Variants in SLC17A7 observed in about 807,000 individuals in gnomAD.
SLC17A7 encodes the protein solute carrier family 17 member 7.
In SLC17A7, 15 loss-of-function variants were observed where a neutral mutation model predicts 59.1. That is an observed-to-expected ratio of 0.25 (90% CI 0.17 to 0.39). The LOEUF is 0.39. Ranked by LOEUF, SLC17A7 falls within the 10% of genes least tolerant of loss-of-function variation. The pLI, the probability that SLC17A7 is intolerant of heterozygous loss-of-function variation, is 1.00. For missense variants in SLC17A7, 499 were observed against 765.1 expected (o/e 0.65, Z 4.10); for synonymous variants, 353 against 308.9 (o/e 1.14, Z -1.50).
In SLC17A7 at chr19:49,434,756, G is replaced by C; in HGVS notation, c.549+12C>G. ...CCGAGCGAGGGCAGGGTCATATCAG[G>C]CGGGGATTTACCTCTACCAACCCCT... On this transcript the variant is annotated intron_variant, in intron 4 of 11. Transcript: ENST00000221485. 1 of 1,614,084 alleles carries C rather than the reference G, an allele frequency of 6.2e-7. No individual in the cohort carries two copies. The highest frequency in any genetic ancestry group is 8.5e-7 in the Non-Finnish European group (1 of 1,179,940).
Position 49,430,809 on chromosome 19 carries a change from G to T in SLC17A7, c.1393C>A (p.Arg465=), listed in dbSNP as rs2122291027. Residue 465 remains arginine, a synonymous_variant, in exon 12 of 12, where the codon CGG becomes AGG. Transcript: ENST00000221485. ...IVGAMTKHKT[R]EEWQYVFLIA... is the part of the protein sequence containing the mutation. ...AGGAACACGTACTGCCACTCCTCCC[G>T]AGTCTGCAGGGGACAATAGGGCTGA... is the stretch of plus-strand genomic sequence containing the variant. 2 of 1,607,682 alleles carry T rather than the reference G, an allele frequency of 1.2e-6. No individual in the cohort carries two copies. Among genetic ancestry groups the T allele is most frequent in the Non-Finnish European group, 1.7e-6 (2 of 1,176,214 alleles).
At chr19:49,430,880 C>T in intron 11 of SLC17A7, 68 bp from the exon 12 acceptor site, 1 of 1,559,372 alleles carries the variant, frequency 6.4e-7, no homozygotes, top group Non-Finnish European at 8.7e-7. Context: ...GAGGGGGAGG[C>T]CTAGAGGAAG....
At chr19:49,434,463 A>C in intron 5 of SLC17A7, 139 bp downstream of exon 5, 1 of 746,152 alleles carries the variant, frequency 1.3e-6, no homozygotes. Context: ...CAGACCTGGG[A>C]GTCCAGGTCC....
chr19:49,440,918 A>G (rs1023094183), intron 1 of SLC17A7, among the ~76,000 whole-genome samples: 3 of 152,172 alleles, frequency 2.0e-5, no homozygotes, highest in African/African-American at 7.2e-5. Flanking sequence ...AAGCGGAGGC[A>G]GAGATCTAGG....
At chr19:49,440,553 G>T (rs2078996363) in intron 1 of SLC17A7, among the ~76,000 whole-genome samples, 1 of 152,172 alleles carries the variant, frequency 6.6e-6, no homozygotes, top group Non-Finnish European at 1.5e-5. Flanking sequence ...TACCCCAGGA[G>T]CCGAAATTTT....
rs778279990 is a variant in SLC17A7 at position 49,436,612 on chromosome 19, G to T, written c.252C>A (p.Gly84=). The T allele has an allele frequency of 6.2e-7, 1 of 1,614,000 alleles. No homozygotes were observed. The highest frequency in any genetic ancestry group is 8.5e-7 in the Non-Finnish European group (1 of 1,179,984). Residue 84 remains glycine (G), a synonymous_variant, in exon 2 of 12, where the codon GGC becomes GGA. Transcript: ENST00000221485. This position sits in a 1 kb window ranked among gnomAD's most constrained non-coding sequence, Gnocchi z 4.1. ...TATTGACCATGGAGACGATGGCCAC[G>T]CCCAGGTTGCAGCGGATGCCAAAGC... is the stretch of plus-strand genomic sequence containing the variant. The part of the protein sequence containing the change: ...CISFGIRCNL[G]VAIVSMVNNS...
Position 49,431,094 on chromosome 19 carries a change from AG to A in SLC17A7, c.1309del (p.Leu437SerfsTer23), listed in dbSNP as rs1290610178. The A allele has an allele frequency of 6.2e-7, 1 of 1,613,990 alleles. No homozygotes were observed. Among genetic ancestry groups the A allele is most frequent in the Non-Finnish European group, 8.5e-7 (1 of 1,180,014 alleles). ...GCCCACGCCGTTGGAGATGCCCATGAGGATGCTGGCGTAGCGCGGGGCTATG... is the reference window on the plus strand; with the variant it reads ...GCCCACGCCGTTGGAGATGCCCATGAGATGCTGGCGTAGCGCGGGGCTATG... ...LDIAPRYASILMGISNGVGTL... is the reference protein window; with the variant it reads ...LDIAPRYASIXMGISNGVGTL... On this transcript the variant is annotated frameshift_variant, in exon 11 of 12. Coordinates refer to ENST00000221485, the MANE Select transcript of SLC17A7 (RefSeq NM_020309.4). LOFTEE classifies it high-confidence loss of function. The surrounding 1 kb of genome is among the most constrained non-coding windows in gnomAD (Gnocchi z 4.6).
Position 49,433,831 on chromosome 19 carries a change from G to A in SLC17A7, c.762C>T (p.Leu254=), listed in dbSNP as rs757988017. 7.4e-6 allele frequency: 12 copies of A among 1,613,120 alleles called. No individual in the cohort carries two copies. The highest frequency in any genetic ancestry group is 2.2e-5 in the South Asian group (2 of 91,010). The change falls in exon 7 of 12, where the codon CTC becomes CTT. Residue 254 remains leucine, a synonymous_variant. Transcript: ENST00000221485. This position sits in a 1 kb window ranked among gnomAD's most constrained non-coding sequence, Gnocchi z 5.7. ...FGIFWYLFWL[L]VSYESPALHP... ...GCAGCGCGGGGGACTCGTAGGAGAC[G>A]AGCAGCCAGAACAGGTACCAGAAGA... is the stretch of plus-strand genomic sequence containing the variant.
At position 49,432,054 on chromosome 19, in the gene SLC17A7, C is replaced by G. The variant is rs763824795; in HGVS notation, c.1150+465G>C. ...CTCACTGCGGCCTCGCAGTTCTGGG[C>G]TCCAGCGATCCTCCCTTCTCAGCCT... On this transcript the variant is annotated intron_variant, in intron 9 of 11. Transcript: ENST00000221485. Among the ~76,000 whole-genome samples the G allele has an allele frequency of 4.9e-4, 74 of 152,320 alleles. 1 individual carries two copies. Among genetic ancestry groups the G allele is most frequent in the Admixed American group, 1.0e-3 (16 of 15,306 alleles).
Position 49,430,500 on chromosome 19 carries a change from T to C in SLC17A7, c.*19A>G. On this transcript the variant is annotated 3_prime_UTR_variant, in exon 12 of 12. Transcript: ENST00000221485. Reference sequence around the variant, plus strand: ...GGAATGGAGGTCCTGGAAACTGCCATTCAGTGGGAGGCACATGGTCAGTAG... The same window carrying C: ...GGAATGGAGGTCCTGGAAACTGCCACTCAGTGGGAGGCACATGGTCAGTAG... 1 of 1,537,354 alleles carries C rather than the reference T, an allele frequency of 6.5e-7. No homozygotes were observed. The highest frequency in any genetic ancestry group is 8.8e-7 in the Non-Finnish European group (1 of 1,138,376).
chr19:49,433,015 C>T lies in SLC17A7; in HGVS notation c.868-55G>A, dbSNP rs60592739. 28 of 1,540,918 alleles carry T rather than the reference C, an allele frequency of 1.8e-5. No individual in the cohort carries two copies. The African/African-American group carries it at 3.3e-4, about 18-fold the overall frequency. On this transcript the variant is annotated intron_variant, in intron 7 of 11. Transcript: ENST00000221485. The surrounding 1 kb of genome is among the most constrained non-coding windows in gnomAD (Gnocchi z 5.7). ...CGGGGAGCGGGGCTGAGGGCTTCTC[C>T]GCGTCCCTTCAGGGACCACAGTGTA...
chr19:49,433,049 G>A lies in SLC17A7; in HGVS notation c.868-89C>T, dbSNP rs1339911881. On this transcript the variant is annotated intron_variant, in intron 7 of 11. Coordinates refer to ENST00000221485, the MANE Select transcript of SLC17A7 (RefSeq NM_020309.4). The surrounding 1 kb of genome is among the most constrained non-coding windows in gnomAD (Gnocchi z 5.7). ...TCAGGGACCACAGTGTAGTTCTGCA[G>A]AAACCAAAGGATCCCGACCGCACTG... 4.4e-6 allele frequency: 6 copies of A among 1,353,124 alleles called. No individual in the cohort carries two copies. Among genetic ancestry groups the A allele is most frequent in the Admixed American group, 4.4e-5 (2 of 45,816 alleles). The allele number at this position is 1,353,124 out of a possible 1,614,324, so 83.8% of individuals were successfully genotyped here. A position where few individuals can be genotyped will look rare whatever the true frequency, so the allele number is the denominator to read the frequency against.
intron 3 of SLC17A7, 52 bp from the exon 4 acceptor site, chr19:49,434,934 A>T (rs1360673344): frequency 6.4e-7 from 1 of 1,562,036 alleles, no homozygotes; most frequent in Non-Finnish European, 8.8e-7. Flanking sequence ...CATGCCCGGG[A>T]TTCTGCCTTT....
chr19:49,434,101 G>T, intron 5 of SLC17A7, 55 bp from the exon 6 acceptor site: 3 of 1,167,866 alleles, frequency 2.6e-6, no homozygotes, highest in Non-Finnish European at 3.9e-6. Flanking sequence ...AGATCAAGGA[G>T]TGCGGACCCC....
At position 49,436,570 on chromosome 19, in the gene SLC17A7, G is replaced by A. The variant is rs1344478163; in HGVS notation, c.294C>T (p.Arg98=). The A allele has an allele frequency of 2.5e-6, 4 of 1,613,580 alleles. No homozygotes were observed. The highest frequency in any genetic ancestry group is 2.2e-5 in the South Asian group (2 of 91,088). Reference sequence around the variant, plus strand: ...CTACCTGCACCACCACGTGGCCCCCGCGGTGGGTCGTGCTGTTATTGACCA... The same window carrying A: ...CTACCTGCACCACCACGTGGCCCCCACGGTGGGTCGTGCTGTTATTGACCA... ...VSMVNNSTTH[R]GGHVVVQKAQ... is the part of the protein sequence containing the mutation. Residue 98 remains arginine, a synonymous_variant, in exon 2 of 12, where the codon CGC becomes CGT. Transcript: ENST00000221485. The surrounding 1 kb of genome is among the most constrained non-coding windows in gnomAD (Gnocchi z 4.1).
At position 49,441,405 on chromosome 19, in the gene SLC17A7, C is replaced by A; in HGVS notation, c.-26G>T. 6.7e-7 allele frequency: 1 copy of A among 1,489,274 alleles called. No homozygotes were observed. The highest frequency in any genetic ancestry group is 8.9e-7 in the Non-Finnish European group (1 of 1,122,044). 92.3% of individuals were successfully genotyped at this position (1,489,274 alleles called of 1,614,324 possible). A position where few individuals can be genotyped will look rare whatever the true frequency, so the allele number is the denominator to read the frequency against. Reference sequence around the variant, plus strand: ...GGTGGCGGCTCCTGCCGCCGGTCACCCCGCGGGTCCCCCCCGCCGATCCCC... The same window carrying A: ...GGTGGCGGCTCCTGCCGCCGGTCACACCGCGGGTCCCCCCCGCCGATCCCC... On this transcript the variant is annotated 5_prime_UTR_variant, in exon 1 of 12. Transcript: ENST00000221485.
rs781121925 is a variant in SLC17A7 at position 49,430,604 on chromosome 19, G to T, written c.1598C>A (p.Ala533Glu). 1.9e-6 allele frequency: 3 copies of T among 1,613,346 alleles called. No individual in the cohort carries two copies. The highest frequency in any genetic ancestry group is 2.5e-6 in the Non-Finnish European group (3 of 1,179,604). The change falls in exon 12 of 12, where the codon GCA (alanine) becomes GAA (glutamate). Residue 533 changes from alanine to glutamate, a missense_variant. Ala to Glu is a moderately radical substitution (Grantham distance 107). This residue lies in a region of SLC17A7 where 98 missense variants were observed against 77.5 expected (regional missense o/e 1.27). Transcript: ENST00000221485. ...EMEDEAEPPGAPPAPPPSYGA... is the reference protein window; with the variant it reads ...EMEDEAEPPGEPPAPPPSYGA... ...ATAGGAGGGCGGGGGTGCAGGGGGT[G>T]CCCCCGGGGGCTCAGCCTCATCCTC... is the stretch of plus-strand genomic sequence containing the variant.
At chr19:49,432,151 T>A (rs968542341) in intron 9 of SLC17A7, among the ~76,000 whole-genome samples, 3 of 152,132 alleles carry the variant, frequency 2.0e-5, no homozygotes, top group African/African-American at 7.2e-5. Flanking sequence ...GCAGGCCCCC[T>A]AGGACCCTGT....
rs564287169 is a variant in SLC17A7 at position 49,434,512 on chromosome 19, C to A, written c.637+90G>T. 2.8e-4 allele frequency: 334 copies of A among 1,192,516 alleles called. 2 individuals are homozygous for A. Among genetic ancestry groups the A allele is most frequent in the East Asian group, 7.9e-4 (32 of 40,698 alleles). The allele number at this position is 1,192,516 out of a possible 1,614,324, so 73.9% of individuals were successfully genotyped here. A position where few individuals can be genotyped will look rare whatever the true frequency, so the allele number is the denominator to read the frequency against. ...CCTCCCTCAGACACAGGAGTTCAGC[C>A]CCCCCAGCCCCTCCCCGCTCAGACC... On this transcript the variant is annotated intron_variant, in intron 5 of 11. Coordinates refer to ENST00000221485, the MANE Select transcript of SLC17A7 (RefSeq NM_020309.4).
Sources: allele counts gnomAD v4.1 joint callset (sites outside exome capture counted in the v4.1 genomes callset), GRCh38; gene constraint gnomAD v4.1.1; regional missense constraint gnomAD v4.1.1; non-coding constraint Gnocchi (gnomAD v3.1); transcripts MANE v1.5; gene names NCBI Gene and HGNC (gene_info 2026-07-23, HGNC 2026-07-21).